Variants in FSD2 observed in about 807,000 individuals in gnomAD.
FSD2 encodes the protein fibronectin type III and SPRY domain containing 2, also known as fibronectin type III and SPRY domain-containing protein 2.
Under a neutral mutation model 80.4 loss-of-function variants are expected in FSD2, and 71 were observed. The ratio of observed to expected loss-of-function variants is 0.88; its 90% CI spans 0.73 to 1.08. The LOEUF is 1.08. Among genes scored for constraint, FSD2 ranks in the 50% least tolerant of loss-of-function variants. The pLI is 0.00. For synonymous variants in FSD2, 361 were observed against 329.5 expected (o/e 1.10, Z -1.03); for missense variants, 923 against 913.8 (o/e 1.01, Z -0.13).
chr15:82,786,261 G>C (rs2049994253), intron 3 of FSD2, among the ~76,000 whole-genome samples: 1 of 152,170 alleles, frequency 6.6e-6, no homozygotes, highest in Non-Finnish European at 1.5e-5. Flanking sequence ...TAGGGATATT[G>C]AGACAGACGA....
chr15:82,772,409 A>G (rs1195584665), intron 6 of FSD2, among the ~76,000 whole-genome samples, 181 bp from the exon 7 acceptor site: 2 of 152,162 alleles, frequency 1.3e-5, no homozygotes, highest in Non-Finnish European at 2.9e-5. Flanking sequence ...GCAAAATACA[A>G]CCAGTATATC....
At chr15:82,801,688 C>T (rs962636831) in intron 1 of FSD2, among the ~76,000 whole-genome samples, 8 of 152,192 alleles carry the variant, frequency 5.3e-5, no homozygotes, top group Admixed American at 2.6e-4. Flanking sequence ...GGAAACCTTA[C>T]TCCTGAGACT....
chr15:82,803,528 C>A (rs2050461832), intron 1 of FSD2, among the ~76,000 whole-genome samples: 2 of 152,118 alleles, frequency 1.3e-5, no homozygotes, highest in Non-Finnish European at 2.9e-5. Flanking sequence ...ACCCTAGGCC[C>A]TGGCTCAGAC....
chr15:82,789,455 T>A (rs141523100), intron 1 of FSD2, among the ~76,000 whole-genome samples: 20 of 152,028 alleles, frequency 1.3e-4, no homozygotes, highest in African/African-American at 4.6e-4. Flanking sequence ...AGGCAGTTTA[T>A]ATATACATTA....
intron 12 of FSD2, among the ~76,000 whole-genome samples, chr15:82,759,885 C>T (rs189353304): frequency 7.8e-4 from 119 of 152,130 alleles, no homozygotes; most frequent in African/African-American, 2.7e-3. Context: ...CCTCAGCCTC[C>T]TGGGTTCAAG....
chr15:82,778,590 G>C (rs1258273032), intron 6 of FSD2, among the ~76,000 whole-genome samples, 176 bp downstream of exon 6: 2 of 152,192 alleles, frequency 1.3e-5, no homozygotes, highest in African/African-American at 4.8e-5. Flanking sequence ...AGTTATACAA[G>C]ATGGGTAAGT....
rs1891834851 is a variant in FSD2, at chr15:82,755,691, G to A, written c.*3657C>T. On this transcript the variant is annotated 3_prime_UTR_variant, in exon 13 of 13. Coordinates refer to ENST00000334574, the MANE Select transcript of FSD2 (RefSeq NM_001007122.4). ...CTCTAAAATAAGTACTAACTTAGGG[G>A]CAGTTGTTGTGCCCAGGTCATAGTC... The A allele has an allele frequency of 6.3e-6, 1 of 158,286 alleles. No individual in the cohort carries two copies. The highest frequency in any genetic ancestry group is 6.4e-5 in the Admixed American group (1 of 15,556). The allele number at this position is 158,286 out of a possible 1,614,324, so 9.8% of individuals were successfully genotyped here.
Position 82,786,930 on chromosome 15 carries a change from T to C in FSD2, c.461A>G (p.His154Arg). The stretch of plus-strand genomic sequence containing the variant: ...TTCATACTCCTCGCTGGCACGGCCG[T>C]GTGTGTACCTATAGGCTTCCCGCAA... ...QDLREAYRYT[H>R]GRASEEYECY... The change falls in exon 2 of 13, where the codon CAC (histidine) becomes CGC (arginine). Residue 154 changes from histidine to arginine, a missense_variant. By Grantham distance (29) the His-to-Arg change is conservative. Coordinates refer to ENST00000334574, the MANE Select transcript of FSD2 (RefSeq NM_001007122.4). 1 of 1,613,982 alleles carries C rather than the reference T, an allele frequency of 6.2e-7. No individual in the cohort carries two copies. The highest frequency in any genetic ancestry group is 8.5e-7 in the Non-Finnish European group (1 of 1,179,892).
chr15:82,780,142 A>C lies in FSD2; in HGVS notation c.989+103T>G. ...GCTAATTTAATCAGGATTGACACAA[A>C]AGCTGAAACTGGAACCGTATAACCA... On this transcript the variant is annotated intron_variant, in intron 5 of 12. Transcript: ENST00000334574. 9 of 791,828 alleles carry C rather than the reference A, an allele frequency of 1.1e-5. No homozygotes were observed. In the South Asian group the frequency reaches 1.5e-4, roughly 13 times the overall value. The allele number at this position is 791,828 out of a possible 1,614,324, so 49.1% of individuals were successfully genotyped here.
intron 6 of FSD2, among the ~76,000 whole-genome samples, chr15:82,773,422 G>A (rs2049635284): frequency 6.6e-6 from 1 of 152,162 alleles, no homozygotes. Flanking sequence ...AGCTTCACCT[G>A]GAGATGCAGC....
intron 9 of FSD2, among the ~76,000 whole-genome samples, chr15:82,766,988 C>T (rs1283144117): frequency 6.6e-6 from 1 of 152,202 alleles, no homozygotes; most frequent in Non-Finnish European, 1.5e-5. Context: ...ATACAACACC[C>T]TCACCCAGAT....
intron 6 of FSD2, 90 bp from the exon 7 acceptor site, chr15:82,772,318 T>C (rs2049602139): frequency 8.5e-6 from 11 of 1,298,924 alleles, no homozygotes; most frequent in Middle Eastern, 1.8e-4. Context: ...ATCCCCCCAA[T>C]GAATCCACAG....
intron 3 of FSD2, 136 bp from the exon 4 acceptor site, chr15:82,783,161 T>C (rs1206693597): frequency 7.7e-6 from 5 of 652,118 alleles, no homozygotes; most frequent in Non-Finnish European, 1.3e-5. Context: ...TACAGTAGTG[T>C]GATCTTGGCT....
intron 1 of FSD2, among the ~76,000 whole-genome samples, chr15:82,789,077 GA>G (rs1312956223): frequency 1.3e-5 from 2 of 151,552 alleles, no homozygotes; most frequent in Non-Finnish European, 2.9e-5. Flanking sequence ...CAAATACAAG[GA>G]AAAAAATTAT....
chr15:82,784,651 G>T (rs2049953656), intron 3 of FSD2, among the ~76,000 whole-genome samples: 1 of 152,180 alleles, frequency 6.6e-6, no homozygotes, highest in South Asian at 2.1e-4. Flanking sequence ...TTCCATGGGG[G>T]ATTAGTGCAA....
At position 82,759,535 on chromosome 15, in the gene FSD2, T is replaced by G; in HGVS notation, c.2063A>C (p.Lys688Thr). 1 of 1,608,816 alleles carries G rather than the reference T, an allele frequency of 6.2e-7. No individual in the cohort carries two copies. Among genetic ancestry groups the G allele is most frequent in the Non-Finnish European group, 8.5e-7 (1 of 1,177,064 alleles). Residue 688 changes from lysine to threonine, a missense_variant, in exon 13 of 13, where the codon AAG (lysine) becomes ACG (threonine). By Grantham distance (78) the Lys-to-Thr change is moderately conservative (BLOSUM62 -1). Transcript: ENST00000334574. ...PDIRITVPPK[K>T]IGILLDYEHS... is the part of the protein sequence containing the mutation. ...TTCATAGTCTAATAGAATGCCAATC[T>G]TCTTTGGTGGAACTGTTATTCTTAT...
chr15:82,769,761 A>C lies in FSD2; in HGVS notation c.1391T>G (p.Val464Gly). The C allele has an allele frequency of 6.2e-7, 1 of 1,613,862 alleles. No individual in the cohort carries two copies. ...GAGTAGCCCATTACCTGTCATGTAC[A>C]CTGCACGCTCGCTAGAGGGGCTGGG... ...AGPSPSSERAVYMTAPSPPII... is the reference protein window; with the variant it reads ...AGPSPSSERAGYMTAPSPPII... The change falls in exon 8 of 13, where the codon GTG becomes GGG. Residue 464 changes from valine to glycine, a missense_variant. Val to Gly is a moderately radical substitution (Grantham distance 109). Transcript: ENST00000334574.
At chr15:82,764,688 A>G (rs994154250) in intron 11 of FSD2, among the ~76,000 whole-genome samples, 2 of 151,666 alleles carry the variant, frequency 1.3e-5, no homozygotes, top group Non-Finnish European at 2.9e-5. Context: ...ATGTTGACCA[A>G]GCTGGTCTCA....
Position 82,786,559 on chromosome 15 carries a change from C to T in FSD2, c.687G>A (p.Glu229=). The change falls in exon 3 of 13, where the codon GAG becomes GAA. Residue 229 remains glutamate, a synonymous_variant. Transcript: ENST00000334574. ...NMYKLEKQII[E]MENFANHLEE... is the part of the protein sequence containing the mutation. ...CCAAATGATTTGCAAAGTTTTCCAT[C>T]TCAATTATCTGCTTTTCCAATTTGT... 1 of 1,613,644 alleles carries T rather than the reference C, an allele frequency of 6.2e-7. No individual in the cohort carries two copies. The highest frequency in any genetic ancestry group is 8.5e-7 in the Non-Finnish European group (1 of 1,179,680).
Sources: allele counts gnomAD v4.1 joint callset (sites outside exome capture counted in the v4.1 genomes callset), GRCh38; gene constraint gnomAD v4.1.1; transcripts MANE v1.5; gene names NCBI Gene and HGNC (gene_info 2026-07-23, HGNC 2026-07-21).